FGF14: variants seen among roughly 807,000 people sequenced by gnomAD.
FGF14 encodes fibroblast growth factor 14.
Under a neutral mutation model 25.5 loss-of-function variants are expected in FGF14, and 5 were observed. The observed-to-expected ratio is 0.20, with a 90% CI of 0.10 to 0.41. FGF14 has a LOEUF of 0.41. FGF14 is among the 10% of genes least tolerant of loss of function. The pLI is 1.00. For missense variants in FGF14, 222 were observed against 320.1 expected, an observed-to-expected ratio of 0.69 and a Z score of 2.34; for synonymous variants, 138 against 118.3, an observed-to-expected ratio of 1.17 and a Z score of -1.08.
In FGF14 at chr13:101,916,081, G is replaced by A. The variant is rs572729884; in HGVS notation, c.193+372C>T. Among the ~76,000 whole-genome samples the A allele has an allele frequency of 2.6e-5, 4 of 152,326 alleles. No individual in the cohort carries two copies. The East Asian group carries it at 7.7e-4, about 29-fold the overall frequency. ...CACCAGCTCAGATCAGACTGCGAGCGGTGGCTCGACCCCGGGTGTGGCAGG... is the reference window on the plus strand; with the variant it reads ...CACCAGCTCAGATCAGACTGCGAGCAGTGGCTCGACCCCGGGTGTGGCAGG... On this transcript the variant is annotated intron_variant, in intron 1 of 4. Transcript: ENST00000376143.
rs942371676 is a variant in FGF14 at position 102,225,407 on chromosome 13, G to A, written c.208+176064C>T. Among the ~76,000 whole-genome samples the A allele has an allele frequency of 7.2e-5, 11 of 152,160 alleles. 1 individual carries two copies. The highest frequency in any genetic ancestry group is 4.2e-4 in the South Asian group (2 of 4,804). On this transcript the variant is annotated intron_variant, in intron 1 of 4. Coordinates refer to the FGF14 transcript ENST00000376131. ...CAGGGCTAGACCAGGCTAGCCCTCCGGACAGGCTAATTATTTCAAGCCCTT... is the reference window on the plus strand; with the variant it reads ...CAGGGCTAGACCAGGCTAGCCCTCCAGACAGGCTAATTATTTCAAGCCCTT...
At chr13:102,295,349 T>C (rs887618370) in intron 1 of FGF14, among the ~76,000 whole-genome samples, 4 of 152,182 alleles carry the variant, frequency 2.6e-5, no homozygotes, top group African/African-American at 7.2e-5. Flanking sequence ...CCATGCACTG[T>C]GATATCTAAT....
chr13:102,211,521 CT>C (rs2050159246), intron 1 of FGF14, among the ~76,000 whole-genome samples: 2 of 152,134 alleles, frequency 1.3e-5, no homozygotes, highest in South Asian at 2.1e-4. Context: ...ACTTCCAAAA[CT>C]TTTTGAAGTT....
At chr13:101,883,515 A>C (rs2493577) in intron 1 of FGF14, among the ~76,000 whole-genome samples, 53,963 of 152,016 alleles carry the variant, frequency 0.35, 10,156 homozygotes, top group African/African-American at 0.48. Flanking sequence ...TTTACAACCA[A>C]AGCAGATTGC....
intron 1 of FGF14, among the ~76,000 whole-genome samples, chr13:102,326,583 T>A (rs937238792): frequency 1.5e-5 from 2 of 137,874 alleles, no homozygotes; most frequent in African/African-American, 5.5e-5. Context: ...AGAAGAAACA[T>A]GCACACAAGA....
rs935534115 is a variant in FGF14 at position 102,000,169 on chromosome 13, A to T, written c.209-124873T>A. ...TCTCTACTAAAAAATACAAAAAAAA[A>T]TTAGCCGGGCCTGGTGGCGGGCACC... On this transcript the variant is annotated intron_variant, in intron 1 of 4. Coordinates refer to the FGF14 transcript ENST00000376131. 5.9e-5 allele frequency among the ~76,000 whole-genome samples: 9 copies of T among 152,218 alleles called. No homozygotes were observed. The East Asian group carries it at 1.7e-3, about 30-fold the overall frequency.
At chr13:102,259,553 C>T (rs2052614746) in intron 1 of FGF14, among the ~76,000 whole-genome samples, 2 of 152,134 alleles carry the variant, frequency 1.3e-5, no homozygotes, top group Admixed American at 6.5e-5. Flanking sequence ...TATCATCCCA[C>T]TATCATAGTA....
At chr13:101,816,337 A>C (rs1161005529) in intron 3 of FGF14, among the ~76,000 whole-genome samples, 1 of 151,590 alleles carries the variant, frequency 6.6e-6, no homozygotes, top group Non-Finnish European at 1.5e-5. Context: ...TGTATTATTT[A>C]ATGTTTATCT....
At chr13:102,263,855 G>A (rs1055171661) in intron 1 of FGF14, among the ~76,000 whole-genome samples, 1 of 152,130 alleles carries the variant, frequency 6.6e-6, no homozygotes, top group African/African-American at 2.4e-5. Context: ...AAGGCCAAAT[G>A]TAAGAACCAG....
intron 1 of FGF14, among the ~76,000 whole-genome samples, chr13:102,314,008 A>ACAGACGACCAAGATGTTCAGTCCACTT (rs2055898953): frequency 1.3e-5 from 2 of 152,230 alleles, no homozygotes; most frequent in African/African-American, 4.8e-5. Flanking sequence ...CAGCCAGCAC[A>ACAGACGACCAAGATGTTCAGTCCACTT]CAGACGACCA....
At chr13:102,021,412 T>C (rs1350545125) in intron 1 of FGF14, among the ~76,000 whole-genome samples, 1 of 151,812 alleles carries the variant, frequency 6.6e-6, no homozygotes, top group Non-Finnish European at 1.5e-5. Context: ...TCCCTAATCC[T>C]GGGGAAATGT....
At chr13:101,962,613 GTTCA>G (rs2036933643) in intron 1 of FGF14, among the ~76,000 whole-genome samples, 1 of 152,016 alleles carries the variant, frequency 6.6e-6, no homozygotes, top group African/African-American at 2.4e-5. Flanking sequence ...ATAAAATAAA[GTTCA>G]TTTTCACTGA....
rs140211908 is a variant in FGF14 at position 102,017,456 on chromosome 13, A to G, written c.209-142160T>C. 4.5e-4 allele frequency among the ~76,000 whole-genome samples: 69 copies of G among 152,272 alleles called. No individual in the cohort carries two copies. The Middle Eastern group carries it at 0.014, about 30-fold the overall frequency. On this transcript the variant is annotated intron_variant, in intron 1 of 4. Coordinates refer to the FGF14 transcript ENST00000376131. ...ATTGCTCCATTTACTGCTAGCATCC[A>G]GTGTGTCCAGTGATAAGTCTGCTGT...
rs368762877 is a variant in FGF14, at chr13:101,927,427, T to C, written c.209-52131A>G. Among the ~76,000 whole-genome samples the C allele has an allele frequency of 4.6e-5, 7 of 152,254 alleles. No individual in the cohort carries two copies. In the East Asian group the frequency reaches 1.3e-3, roughly 29 times the overall value. The stretch of plus-strand genomic sequence containing the variant: ...CCATGCTCACAGGCTTGTGTTCATT[T>C]CTCCATGAAATGGGCTTCGTGATCC... On this transcript the variant is annotated intron_variant, in intron 1 of 4. Transcript: ENST00000376131.
At chr13:102,349,957 C>A (rs564442964) in intron 1 of FGF14, among the ~76,000 whole-genome samples, 1 of 152,138 alleles carries the variant, frequency 6.6e-6, no homozygotes, top group Admixed American at 6.5e-5. Context: ...TACACATGTG[C>A]GTGCACACTG....
chr13:102,318,851 C>G (rs1299607114), intron 1 of FGF14, among the ~76,000 whole-genome samples: 1 of 152,150 alleles, frequency 6.6e-6, no homozygotes, highest in Admixed American at 6.5e-5. Flanking sequence ...TGTAGATCAT[C>G]TGAGACAGGG....
chr13:101,892,349 C>T (rs1218827815), intron 1 of FGF14, among the ~76,000 whole-genome samples: 2 of 152,052 alleles, frequency 1.3e-5, no homozygotes, highest in Non-Finnish European at 2.9e-5. Context: ...AGGCCTCATC[C>T]TTATTGTTTA....
chr13:102,231,078 G>A (rs1418585786), intron 1 of FGF14, among the ~76,000 whole-genome samples: 1 of 152,024 alleles, frequency 6.6e-6, no homozygotes, highest in Non-Finnish European at 1.5e-5. Context: ...TGTCTATAAT[G>A]TCATACTTTG....
At chr13:102,300,333 T>C (rs1485698840) in intron 1 of FGF14, 1 of 151,140 alleles carries the variant, frequency 6.6e-6, no homozygotes, top group Non-Finnish European at 1.5e-5. Flanking sequence ...TGCCTTCTTC[T>C]CATGTTAAAT....
Sources: gnomAD v4.1 joint callset for allele counts (sites outside exome capture counted in the v4.1 genomes callset) on GRCh38, gnomAD v4.1.1 for gene constraint, MANE v1.5 for transcripts, NCBI Gene and HGNC (gene_info 2026-07-23, HGNC 2026-07-21) for gene names.